HTR3B: variants seen among roughly 807,000 people sequenced by gnomAD.
The protein encoded by HTR3B is 5-hydroxytryptamine (serotonin) receptor 3B, ionotropic.
A neutral mutation model predicts 42.8 loss-of-function variants in HTR3B; 44 were observed. The ratio of observed to expected loss-of-function variants is 1.03; its 90% CI spans 0.81 to 1.32. The LOEUF is 1.32. Among genes scored for constraint, HTR3B ranks in the 40% most tolerant of loss-of-function variants. The probability of loss-of-function intolerance (pLI) is 0.00; values close to 1 mark genes in which losing one functional copy is unlikely to be tolerated. For synonymous variants in HTR3B, 203 were observed against 209.0 expected (o/e 0.97, Z 0.25); for missense variants, 527 against 536.5 (o/e 0.98, Z 0.17).
intron 6 of HTR3B, 40 bp downstream of exon 6, chr11:113,933,133 C>A (rs45595034): frequency 0.035 from 55,839 of 1,592,744 alleles, 1,284 homozygotes; most frequent in African/African-American, 0.081. Context: ...CCGCTTCTCC[C>A]CAGCCTTTGG....
chr11:113,904,775 C>T, upstream of HTR3B: 7 of 618,348 alleles, frequency 1.1e-5, no homozygotes, highest in Non-Finnish European at 2.1e-5. Flanking sequence ...TGCCTTTGGT[C>T]CCACTGAGTG....
At chr11:113,904,559 C>T, upstream of HTR3B, 1 of 181,866 alleles carries the variant, frequency 5.5e-6, no homozygotes, top group Non-Finnish European at 1.2e-5. Context: ...AGAGTACTGC[C>T]TTAGGTAAAG....
intron 2 of HTR3B, among the ~76,000 whole-genome samples, chr11:113,926,337 G>T (rs1433995256): frequency 2.0e-5 from 3 of 151,918 alleles, no homozygotes; most frequent in Non-Finnish European, 4.4e-5. Context: ...TTTTATACAG[G>T]TTTTTTGTGT....
the HTR3B span, among the ~76,000 whole-genome samples, chr11:113,899,168 G>T: frequency 6.6e-6 from 1 of 152,048 alleles, no homozygotes; most frequent in Non-Finnish European, 1.5e-5. Flanking sequence ...ACCACGAAAG[G>T]CCAGAACCAT....
intron 8 of HTR3B, 98 bp from the exon 9 acceptor site, chr11:113,945,804 A>G: frequency 2.4e-6 from 2 of 843,754 alleles, no homozygotes; most frequent in Non-Finnish European, 1.9e-6. Context: ...TTTCACCTGC[A>G]ACTTTCCTTG....
rs535787120 is a variant in HTR3B at position 113,911,526 on chromosome 11, G to A, written c.213+2071G>A. On this transcript the variant is annotated intron_variant, in intron 2 of 8. Coordinates refer to ENST00000260191, the MANE Select transcript of HTR3B (RefSeq NM_006028.5). The stretch of plus-strand genomic sequence containing the variant: ...ATTATAGGTGTGAGCCACCACACCC[G>A]GCTATTTATTTATTTTTTGAGATGG... Among the ~76,000 whole-genome samples, 7 of 150,540 alleles carry A rather than the reference G, an allele frequency of 4.6e-5. No homozygotes were observed. The East Asian group carries it at 5.9e-4, about 13-fold the overall frequency.
rs750800161 is a variant in HTR3B, at chr11:113,933,042, A to G, written c.645A>G (p.Thr215=). 3 of 1,614,058 alleles carry G rather than the reference A, an allele frequency of 1.9e-6. No homozygotes were observed. The highest frequency in any genetic ancestry group is 2.7e-5 in the African/African-American group (2 of 74,940). ...GGGAACTTCTATCTGTGTCCTCCAC[A>G]TACAGCATCCTGCAGAGCAGCGCTG... is the stretch of plus-strand genomic sequence containing the variant. ...SEWELLSVSS[T]YSILQSSAGG... Residue 215 remains threonine (T), a synonymous_variant, in exon 6 of 9, where the codon ACA becomes ACG. Coordinates refer to ENST00000260191, the MANE Select transcript of HTR3B (RefSeq NM_006028.5).
intron 6 of HTR3B, among the ~76,000 whole-genome samples, chr11:113,936,819 A>T (rs1950095735): frequency 6.6e-6 from 1 of 152,160 alleles, no homozygotes; most frequent in African/African-American, 2.4e-5. Context: ...TGTCATAAAG[A>T]CGGTCATGCA....
At chr11:113,903,428 C>CTTTTTT (rs57289369), upstream of HTR3B, among the ~76,000 whole-genome samples, 15 of 121,072 alleles carry the variant, frequency 1.2e-4, no homozygotes, top group South Asian at 2.7e-4. Flanking sequence ...CTTTTCTTTT[C>CTTTTTT]TTTTTTTTTT....
chr11:113,904,850 G>T lies in HTR3B; in HGVS notation c.-84G>T. On this transcript the variant is annotated 5_prime_UTR_variant, in exon 1 of 9. Transcript: ENST00000260191. ...AACGGAGAAGGAGGAGAACAGAGTG[G>T]AGAGGAACCCTGTTAGGAGAAATTG... 9.5e-7 allele frequency: 1 copy of T among 1,054,504 alleles called. No homozygotes were observed. The highest frequency in any genetic ancestry group is 1.3e-5 in the South Asian group (1 of 78,884). 65.3% of individuals were successfully genotyped at this position (1,054,504 alleles called of 1,614,324 possible).
At chr11:113,932,639 T>G (rs61907912) in intron 5 of HTR3B, among the ~76,000 whole-genome samples, 181 bp downstream of exon 5, 4 of 99,358 alleles carry the variant, frequency 4.0e-5, no homozygotes, top group African/African-American at 1.9e-4. Flanking sequence ...TAGGCCCCCA[T>G]AGTTGTTTTG....
chr11:113,918,679 T>A (rs986814448), intron 2 of HTR3B, among the ~76,000 whole-genome samples: 2 of 149,968 alleles, frequency 1.3e-5, no homozygotes, highest in African/African-American at 4.9e-5. Context: ...TTTTTCAGTA[T>A]GGAGTCTCAC....
chr11:113,939,758 A>T (rs1950119237), intron 6 of HTR3B, among the ~76,000 whole-genome samples: 1 of 152,212 alleles, frequency 6.6e-6, no homozygotes, highest in Non-Finnish European at 1.5e-5. Context: ...TTGGCAAGGC[A>T]AAAGTAAACT....
chr11:113,912,896 G>T (rs1269311124), intron 2 of HTR3B, among the ~76,000 whole-genome samples: 4 of 149,064 alleles, frequency 2.7e-5, no homozygotes, highest in Non-Finnish European at 4.5e-5. Flanking sequence ...TGGGTCATTG[G>T]TTTTTTTTTA....
rs752444042 is a variant in HTR3B, at chr11:113,944,769, C to CT, written c.1090+16dup. 2 of 1,609,952 alleles carry CT rather than the reference C, an allele frequency of 1.2e-6. No homozygotes were observed. The highest frequency in any genetic ancestry group is 2.7e-5 in the African/African-American group (2 of 74,816). On this transcript the variant is annotated intron_variant, in intron 8 of 8. Transcript: ENST00000260191. ...CTGTGGTAACAGGTGTGTGAGAAGC[C>CT]TTGTGTTTCTCCCCCGTCTGGATTG... is the stretch of plus-strand genomic sequence containing the variant.
intron 6 of HTR3B, 139 bp downstream of exon 6, chr11:113,933,232 A>G (rs1950056024): frequency 2.6e-6 from 2 of 759,610 alleles, no homozygotes; most frequent in Admixed American, 3.1e-5. Context: ...GGCTCTGAGC[A>G]TCCACCTGCA....
At chr11:113,934,856 G>A (rs1017684265) in intron 6 of HTR3B, among the ~76,000 whole-genome samples, 13 of 151,736 alleles carry the variant, frequency 8.6e-5, no homozygotes, top group Middle Eastern at 3.4e-3. Flanking sequence ...AATGCAGCCC[G>A]AATAATGGAG....
intron 6 of HTR3B, among the ~76,000 whole-genome samples, chr11:113,937,275 G>A (rs1294960259): frequency 6.6e-6 from 1 of 152,174 alleles, no homozygotes; most frequent in African/African-American, 2.4e-5. Context: ...CTGACCTCAA[G>A]AGGATAGCCT....
chr11:113,932,585 C>G (rs569014352), intron 5 of HTR3B, 127 bp downstream of exon 5: 2 of 855,194 alleles, frequency 2.3e-6, no homozygotes, highest in African/African-American at 1.7e-5. Context: ...TCTCTTCTTG[C>G]GGTTTTTTGG....
Sources: allele counts gnomAD v4.1 joint callset (sites outside exome capture counted in the v4.1 genomes callset), GRCh38; gene constraint gnomAD v4.1.1; transcripts MANE v1.5; gene names NCBI Gene and HGNC (gene_info 2026-07-23, HGNC 2026-07-21).